SHISA6: variants seen among roughly 807,000 people sequenced by gnomAD.
SHISA6 encodes protein shisa-6.
SHISA6 carries 22 observed loss-of-function variants against 47.9 expected under a neutral mutation model. That is an observed-to-expected ratio of 0.46 (90% confidence interval 0.33 to 0.66). The LOEUF (loss-of-function observed/expected upper bound fraction) is 0.66, where lower values mean the gene tolerates loss of function less well. Ranked by LOEUF, SHISA6 falls within the 30% of genes least tolerant of loss-of-function variation. SHISA6 has a pLI of 0.02. For missense variants in SHISA6, 680 were observed against 764.6 expected, an observed-to-expected ratio of 0.89 and a Z score of 1.30; for synonymous variants, 388 against 337.8, an observed-to-expected ratio of 1.15 and a Z score of -1.63.
intron 3 of SHISA6, among the ~76,000 whole-genome samples, chr17:11,409,467 A>G (rs1244207500): frequency 6.6e-6 from 1 of 152,134 alleles, no homozygotes. Context: ...CTGTAATCCC[A>G]GGCTGAGGCG....
At chr17:11,458,040 A>AC (rs1159532904) in intron 3 of SHISA6, among the ~76,000 whole-genome samples, 5 of 149,818 alleles carry the variant, frequency 3.3e-5, no homozygotes, top group Non-Finnish European at 7.4e-5. Flanking sequence ...AGCCGAGATC[A>AC]CGCCACTGCA....
chr17:11,267,883 G>C (rs1908485312), intron 2 of SHISA6, among the ~76,000 whole-genome samples: 1 of 152,156 alleles, frequency 6.6e-6, no homozygotes, highest in South Asian at 2.1e-4. Context: ...TAAAAAGATT[G>C]TTTAGGGGAC....
chr17:11,546,283 T>C (rs2071883269), intron 3 of SHISA6, among the ~76,000 whole-genome samples: 1 of 152,170 alleles, frequency 6.6e-6, no homozygotes, highest in African/African-American at 2.4e-5. Flanking sequence ...CAAGCACTCA[T>C]ACTTGGTCTA....
chr17:11,408,952 T>C (rs556209507), intron 3 of SHISA6, among the ~76,000 whole-genome samples: 8 of 152,278 alleles, frequency 5.3e-5, no homozygotes, highest in African/African-American at 1.7e-4. Context: ...TCAAATGTTA[T>C]TGCTTTTGAC....
At chr17:11,508,170 A>G (rs2071515721) in intron 3 of SHISA6, among the ~76,000 whole-genome samples, 1 of 152,254 alleles carries the variant, frequency 6.6e-6, no homozygotes. Context: ...TCTTGCTTTG[A>G]AATCTACTAG....
At chr17:11,411,787 C>A (rs1304826665) in intron 3 of SHISA6, among the ~76,000 whole-genome samples, 1 of 152,176 alleles carries the variant, frequency 6.6e-6, no homozygotes, top group East Asian at 1.9e-4. Flanking sequence ...TCATCTGTTT[C>A]CTTAACTTGC....
chr17:11,552,087 C>A lies in SHISA6; in HGVS notation c.952+135C>A, dbSNP rs1225949381. 1.2e-5 allele frequency: 10 copies of A among 868,958 alleles called. No individual in the cohort carries two copies. The Admixed American group carries it at 1.7e-4, about 15-fold the overall frequency. The allele number at this position is 868,958 out of a possible 1,614,324, so 53.8% of individuals were successfully genotyped here. A position where few individuals can be genotyped will look rare whatever the true frequency, so the allele number is the denominator to read the frequency against. ...CTAAGGAGGTCCAAGGAGCCACAGG[C>A]TCGCCCTCCTCCAGGGCCACAATGC... is the stretch of plus-strand genomic sequence containing the variant. On this transcript the variant is annotated intron_variant, in intron 4 of 5. Transcript: ENST00000441885.
At chr17:11,550,810 G>A (rs971435172) in intron 3 of SHISA6, among the ~76,000 whole-genome samples, 1 of 152,206 alleles carries the variant, frequency 6.6e-6, no homozygotes, top group African/African-American at 2.4e-5. Flanking sequence ...TGGGCAAGTG[G>A]ATGTAAACCT....
intron 2 of SHISA6, among the ~76,000 whole-genome samples, chr17:11,300,855 G>A (rs1488506762): frequency 6.6e-6 from 1 of 151,800 alleles, no homozygotes; most frequent in African/African-American, 2.4e-5. Flanking sequence ...GAGCACATGG[G>A]GGAACACAGC....
intron 3 of SHISA6, among the ~76,000 whole-genome samples, chr17:11,492,274 C>T (rs999273250): frequency 4.6e-5 from 7 of 152,092 alleles, no homozygotes; most frequent in Admixed American, 4.6e-4. Context: ...TCTTAGTGTT[C>T]AATCTAGGCT....
At chr17:11,256,509 AAAC>A (rs2142140974) in intron 1 of SHISA6, among the ~76,000 whole-genome samples, 1 of 152,238 alleles carries the variant, frequency 6.6e-6, no homozygotes, top group African/African-American at 2.4e-5. Context: ...AAACAAAACA[AAAC>A]AACAACGCCA....
Position 11,427,323 on chromosome 17 carries a change from C to T in SHISA6, c.895+47814C>T, listed in dbSNP as rs529734548. 9.9e-5 allele frequency among the ~76,000 whole-genome samples: 15 copies of T among 152,216 alleles called. 1 individual carries two copies. In the South Asian group the frequency reaches 2.7e-3, roughly 27 times the overall value. The stretch of plus-strand genomic sequence containing the variant: ...TAATTTTTTGAATTTTTAGTAGAGA[C>T]GGGGTTTCACCATGTTGTCCAGGCT... On this transcript the variant is annotated intron_variant, in intron 3 of 5. Coordinates refer to ENST00000441885, the MANE Select transcript of SHISA6 (RefSeq NM_207386.4).
At chr17:11,309,569 T>C (rs740652) in intron 2 of SHISA6, among the ~76,000 whole-genome samples, 2 of 152,234 alleles carry the variant, frequency 1.3e-5, no homozygotes, top group African/African-American at 2.4e-5. Context: ...TAACTTCTGA[T>C]GTTAGATTTT....
At chr17:11,312,686 C>T (rs2142188167) in intron 2 of SHISA6, among the ~76,000 whole-genome samples, 1 of 152,260 alleles carries the variant, frequency 6.6e-6, no homozygotes, top group Middle Eastern at 3.4e-3. Context: ...GATGTCCTCC[C>T]AATTTCTTTA....
intron 3 of SHISA6, among the ~76,000 whole-genome samples, chr17:11,407,502 T>C (rs1411501618): frequency 6.6e-6 from 1 of 152,050 alleles, no homozygotes; most frequent in Non-Finnish European, 1.5e-5. Flanking sequence ...TGTTTTTTTT[T>C]TCCTTTTTCT....
At chr17:11,429,316 AAT>A (rs1199683386) in intron 3 of SHISA6, among the ~76,000 whole-genome samples, 1 of 152,118 alleles carries the variant, frequency 6.6e-6, no homozygotes, top group Non-Finnish European at 1.5e-5. Context: ...TTTATTACCT[AAT>A]CTCAGAAGTG....
chr17:11,376,795 T>C (rs1912817304), intron 2 of SHISA6, among the ~76,000 whole-genome samples: 1 of 152,196 alleles, frequency 6.6e-6, no homozygotes, highest in African/African-American at 2.4e-5. Flanking sequence ...TCCTTGGACC[T>C]AAGAGCATTA....
Position 11,324,038 on chromosome 17 carries a change from A to G in SHISA6, c.800-55376A>G, listed in dbSNP as rs139769059. On this transcript the variant is annotated intron_variant, in intron 2 of 5. Coordinates refer to ENST00000441885, the MANE Select transcript of SHISA6 (RefSeq NM_207386.4). The stretch of plus-strand genomic sequence containing the variant: ...GAGCCCTTGACATCTCAGCGTGCAC[A>G]CCCAGCGGTATATGCACCCCTATTT... Among the ~76,000 whole-genome samples the G allele has an allele frequency of 3.2e-3, 483 of 152,244 alleles. 6 individuals carry two copies. Among genetic ancestry groups the G allele is most frequent in the African/African-American group, 0.011 (443 of 41,544 alleles).
At chr17:11,513,318 T>C (rs1386667072) in intron 3 of SHISA6, among the ~76,000 whole-genome samples, 2 of 152,024 alleles carry the variant, frequency 1.3e-5, no homozygotes, top group African/African-American at 4.8e-5. Flanking sequence ...TGAAGTGGTA[T>C]CTCATTGTTT....
Sources: allele counts gnomAD v4.1 joint callset (sites outside exome capture counted in the v4.1 genomes callset), GRCh38; gene constraint gnomAD v4.1.1; transcripts MANE v1.5; gene names NCBI Gene and HGNC (gene_info 2026-07-23, HGNC 2026-07-21).